Variants in WWC2 observed in about 807,000 individuals in gnomAD.
The protein encoded by WWC2 is protein WWC2.
In WWC2, 101 loss-of-function variants were observed where a neutral mutation model predicts 138.5. The ratio of observed to expected loss-of-function variants is 0.73; its 90% CI spans 0.62 to 0.86. WWC2 has a LOEUF of 0.86. Ranked by LOEUF, WWC2 falls within the 40% of genes least tolerant of loss-of-function variation. The pLI is 0.00. For synonymous variants in WWC2, 558 were observed against 538.4 expected (o/e 1.04, Z -0.50); for missense variants, 1,420 against 1,419.4 (o/e 1.00, Z -0.01).
intron 4 of WWC2, among the ~76,000 whole-genome samples, chr4:183,214,328 T>A (rs1053487935): frequency 6.6e-6 from 1 of 152,194 alleles, no homozygotes; most frequent in Non-Finnish European, 1.5e-5. Context: ...CTTAGAAAAG[T>A]CATCCACAGT....
chr4:183,158,785 A>G (rs531823810), intron 1 of WWC2, among the ~76,000 whole-genome samples: 6 of 152,264 alleles, frequency 3.9e-5, no homozygotes, highest in African/African-American at 1.4e-4. Context: ...ATTCCAGTAA[A>G]CATGGCACTT....
chr4:183,120,385 A>G (rs1732561490), intron 1 of WWC2, among the ~76,000 whole-genome samples: 1 of 152,232 alleles, frequency 6.6e-6, no homozygotes, highest in Non-Finnish European at 1.5e-5. Context: ...GTTAAAATGC[A>G]TGTACACAGA....
intron 1 of WWC2, among the ~76,000 whole-genome samples, chr4:183,175,203 A>T (rs890805903): frequency 6.6e-6 from 1 of 152,204 alleles, no homozygotes; most frequent in Non-Finnish European, 1.5e-5. Flanking sequence ...TAGCATGTCT[A>T]ACATCATCTG....
intron 8 of WWC2, among the ~76,000 whole-genome samples, chr4:183,251,419 G>A (rs570444193): frequency 2.6e-4 from 40 of 152,272 alleles, no homozygotes; most frequent in South Asian, 4.1e-4. Flanking sequence ...GCATTCTTTC[G>A]GGCTTGACTC....
At position 183,247,623 on chromosome 4, in the gene WWC2, CTATATACTA is replaced by C. The variant is rs1193670243; in HGVS notation, c.733-1068_733-1060del. Among the ~76,000 whole-genome samples, 255 of 126,982 alleles carry C rather than the reference CTATATACTA, an allele frequency of 2.0e-3. 4 individuals are homozygous for C. Among genetic ancestry groups the C allele is most frequent in the South Asian group, 7.0e-3 (30 of 4,300 alleles). 83.3% of individuals were successfully genotyped at this position (126,982 alleles called of 152,430 possible). ...ATATATGCTATATATACTATATATA[CTATATACTA>C]TATATACTATATATACTATATACTA... On this transcript the variant is annotated intron_variant, in intron 6 of 22. Coordinates refer to ENST00000403733, the MANE Select transcript of WWC2 (RefSeq NM_024949.6).
At chr4:183,278,120 T>G (rs1417455068) in intron 16 of WWC2, among the ~76,000 whole-genome samples, 1 of 152,118 alleles carries the variant, frequency 6.6e-6, no homozygotes, top group Non-Finnish European at 1.5e-5. Context: ...GGTCTAACAT[T>G]TAAGTCTTTA....
At chr4:183,120,946 G>A (rs141445305) in intron 1 of WWC2, among the ~76,000 whole-genome samples, 1 of 152,318 alleles carries the variant, frequency 6.6e-6, no homozygotes, top group East Asian at 1.9e-4. Context: ...ATTGTGGCCA[G>A]GAGGGGTTGC....
chr4:183,145,370 GAAC>G (rs1733423972), intron 1 of WWC2, among the ~76,000 whole-genome samples: 1 of 152,046 alleles, frequency 6.6e-6, no homozygotes, highest in African/African-American at 2.4e-5. Context: ...AAAGATGATA[GAAC>G]AACAGTATTA....
At chr4:183,194,654 C>G (rs1427777919) in intron 2 of WWC2, among the ~76,000 whole-genome samples, 3 of 152,022 alleles carry the variant, frequency 2.0e-5, no homozygotes, top group Non-Finnish European at 4.4e-5. Context: ...TGCAGCTGCC[C>G]TTGTGTAGGT....
At chr4:183,285,868 A>G (rs1199712323) in intron 19 of WWC2, 99 bp from the exon 20 acceptor site, 9 of 1,101,832 alleles carry the variant, frequency 8.2e-6, no homozygotes, top group African/African-American at 1.6e-5. Context: ...ACTCTTAACT[A>G]TGACTACCTG....
intron 4 of WWC2, among the ~76,000 whole-genome samples, chr4:183,218,738 A>G (rs1233761317): frequency 6.6e-6 from 1 of 152,200 alleles, no homozygotes; most frequent in Non-Finnish European, 1.5e-5. Context: ...GTGCAGATGA[A>G]GTCCAAAGGC....
chr4:183,275,462 T>C (rs1244256929), intron 16 of WWC2, among the ~76,000 whole-genome samples: 1 of 152,162 alleles, frequency 6.6e-6, no homozygotes, highest in African/African-American at 2.4e-5. Context: ...ATGTCCTTTA[T>C]CAGAATAAGG....
chr4:183,142,292 G>C (rs982890855), intron 1 of WWC2, among the ~76,000 whole-genome samples: 2 of 152,182 alleles, frequency 1.3e-5, no homozygotes, highest in Admixed American at 1.3e-4. Flanking sequence ...ATAAGGTCCA[G>C]ATTTAACTGC....
intron 19 of WWC2, 62 bp from the exon 20 acceptor site, chr4:183,285,905 A>G (rs907007135): frequency 1.4e-6 from 2 of 1,476,050 alleles, no homozygotes; most frequent in African/African-American, 2.8e-5. Context: ...TCTCAATCCC[A>G]AACTTCCACT....
chr4:183,155,221 A>AGAGAGAGAGTGAGT (rs61543148), intron 1 of WWC2, among the ~76,000 whole-genome samples: 2 of 135,184 alleles, frequency 1.5e-5, no homozygotes, highest in African/African-American at 5.5e-5. Context: ...AGAGAGAGAG[A>AGAGAGAGAGTGAGT]GAGTTAGTTG....
At chr4:183,125,881 CAGTT>C (rs1241978832) in intron 1 of WWC2, among the ~76,000 whole-genome samples, 2 of 152,180 alleles carry the variant, frequency 1.3e-5, no homozygotes, top group African/African-American at 4.8e-5. Context: ...TGAACACACA[CAGTT>C]GGTGAAATGA....
At position 183,263,602 on chromosome 4, in the gene WWC2, G is replaced by A. The variant is rs141098076; in HGVS notation, c.1910-1376G>A. On this transcript the variant is annotated intron_variant, in intron 11 of 22. Transcript: ENST00000403733. ...TGCATGTCTGAAAACAAGTGAAAGC[G>A]TATATTTAACCATAAAGGCTAATTC... Among the ~76,000 whole-genome samples, 128 of 152,286 alleles carry A rather than the reference G, an allele frequency of 8.4e-4. 1 individual carries two copies. The East Asian group carries it at 0.019, about 23-fold the overall frequency.
chr4:183,258,409 GTGT>G (rs1287358056), intron 9 of WWC2, among the ~76,000 whole-genome samples: 6 of 152,178 alleles, frequency 3.9e-5, no homozygotes, highest in Admixed American at 2.6e-4. Context: ...TAATGGAATA[GTGT>G]TGTTGACACA....
chr4:183,179,158 T>C (rs1251203216), intron 1 of WWC2, among the ~76,000 whole-genome samples: 1 of 152,150 alleles, frequency 6.6e-6, no homozygotes, highest in Non-Finnish European at 1.5e-5. Flanking sequence ...ATGTGCACAG[T>C]ATATTATATT....
Sources: allele counts gnomAD v4.1 joint callset (sites outside exome capture counted in the v4.1 genomes callset), GRCh38; gene constraint gnomAD v4.1.1; transcripts MANE v1.5; gene names NCBI Gene and HGNC (gene_info 2026-07-23, HGNC 2026-07-21).